The following TPGS2 variants were observed in gnomAD, a reference collection of about 807,000 sequenced individuals.
TPGS2 encodes polyglutamylase subunit 2.
A neutral mutation model predicts 31.1 loss-of-function variants in TPGS2; 26 were observed. The ratio of observed to expected loss-of-function variants is 0.84; its 90% CI spans 0.61 to 1.16. The LOEUF (loss-of-function observed/expected upper bound fraction) is 1.16, where lower values mean the gene tolerates loss of function less well. Among genes scored for constraint, TPGS2 ranks in the 50% most tolerant of loss-of-function variants. The pLI is 0.00. For synonymous variants in TPGS2, 130 were observed against 136.6 expected (o/e 0.95, Z 0.34); for missense variants, 351 against 363.8 (o/e 0.96, Z 0.29).
downstream of TPGS2, chr18:36,781,733 C>T (rs2044021720): frequency 1.0e-6 from 1 of 983,840 alleles, no homozygotes. Context: ...CTTAAAAAGC[C>T]AAAGACTATA....
At chr18:36,790,261 G>GGT (rs1486860777), downstream of TPGS2, 1 of 152,262 alleles carries the variant, frequency 6.6e-6, no homozygotes, top group East Asian at 1.9e-4. Flanking sequence ...CAGTTCTTGT[G>GGT]GTGGTGGTAT....
At position 36,795,124 on chromosome 18, in the gene TPGS2, A is replaced by G. The variant is rs571511583; in HGVS notation, c.*1681T>C. On this transcript the variant is annotated 3_prime_UTR_variant, in exon 7 of 7. Coordinates refer to ENST00000334295, the MANE Select transcript of TPGS2 (RefSeq NM_015476.4). ...CCTTGGTTTTCCTCAGGGGCTATGG[A>G]AAGTGGTAGGTGGAGGAGATATCGA... 1.8e-5 allele frequency: 18 copies of G among 985,434 alleles called. No individual in the cohort carries two copies. The East Asian group carries it at 1.8e-3, about 99-fold the overall frequency. 61.0% of individuals were successfully genotyped at this position (985,434 alleles called of 1,614,324 possible). A position where few individuals can be genotyped will look rare whatever the true frequency, so the allele number is the denominator to read the frequency against.
downstream of TPGS2, among the ~76,000 whole-genome samples, chr18:36,792,990 G>A (rs1183137293): frequency 1.3e-5 from 2 of 152,140 alleles, no homozygotes; most frequent in Admixed American, 1.3e-4. Flanking sequence ...TAAATTTCCT[G>A]GGTGTTTTTT....
intron 2 of TPGS2, among the ~76,000 whole-genome samples, chr18:36,812,591 A>G (rs977472252): frequency 3.9e-5 from 6 of 152,174 alleles, no homozygotes; most frequent in African/African-American, 1.4e-4. Flanking sequence ...ATCCTTTGTA[A>G]TAAACCTGTA....
chr18:36,806,423 T>C (rs2045135559), intron 3 of TPGS2, among the ~76,000 whole-genome samples: 1 of 152,130 alleles, frequency 6.6e-6, no homozygotes, highest in Non-Finnish European at 1.5e-5. Context: ...CCCCTCTCTG[T>C]TGCTCCAGAC....
chr18:36,823,880 T>A lies in TPGS2; in HGVS notation c.85+4803A>T, dbSNP rs1334902469. The A allele has an allele frequency of 6.1e-6, 6 of 984,872 alleles. No homozygotes were observed. In the East Asian group the frequency reaches 6.8e-4, roughly 112 times the overall value. 61.0% of individuals were successfully genotyped at this position (984,872 alleles called of 1,614,324 possible). ...TCATCATCTTCACAGTCCTGTGGAT[T>A]AGAGTAGGAATTCTAATAGTACCGT... On this transcript the variant is annotated intron_variant, in intron 1 of 6. Coordinates refer to ENST00000334295, the MANE Select transcript of TPGS2 (RefSeq NM_015476.4).
intron 2 of TPGS2, among the ~76,000 whole-genome samples, chr18:36,815,509 C>T (rs113447996): frequency 0.016 from 2,494 of 152,230 alleles, 35 homozygotes; most frequent in Non-Finnish European, 0.024. Context: ...GGACAACTTC[C>T]CATTCATGGA....
At chr18:36,827,740 C>T (rs189341346) in intron 1 of TPGS2, among the ~76,000 whole-genome samples, 14 of 152,330 alleles carry the variant, frequency 9.2e-5, no homozygotes, top group African/African-American at 3.4e-4. Context: ...TCCTCTGTGA[C>T]ATGTTCTTTA....
intron 1 of TPGS2, among the ~76,000 whole-genome samples, chr18:36,826,947 T>G (rs896080148): frequency 1.3e-5 from 2 of 152,238 alleles, no homozygotes; most frequent in Non-Finnish European, 2.9e-5. Flanking sequence ...CAAGAAAGGT[T>G]AGATTTTGTC....
chr18:36,797,091 A>G (rs777856845), intron 6 of TPGS2, 41 bp from the exon 7 acceptor site: 3 of 1,595,276 alleles, frequency 1.9e-6, no homozygotes, highest in Non-Finnish European at 2.6e-6. Context: ...AATTCAAAGG[A>G]AAAATGCCAT....
At chr18:36,790,336 A>G (rs1473951605), downstream of TPGS2, among the ~76,000 whole-genome samples, 1 of 152,220 alleles carries the variant, frequency 6.6e-6, no homozygotes, top group African/African-American at 2.4e-5. Flanking sequence ...TCACCTGGGA[A>G]TCCTGTTCAC....
intron 6 of TPGS2, chr18:36,789,024 C>T (rs1600720650): frequency 6.6e-6 from 1 of 152,314 alleles, no homozygotes; most frequent in East Asian, 1.9e-4. Context: ...TGTGCAGAGA[C>T]CTAGAGAGGC....
chr18:36,808,470 C>A (rs2045269915), intron 2 of TPGS2, among the ~76,000 whole-genome samples: 1 of 152,006 alleles, frequency 6.6e-6, no homozygotes, highest in Non-Finnish European at 1.5e-5. Flanking sequence ...AACCCCATCT[C>A]TACTAAAAAT....
In TPGS2 at chr18:36,794,941, T is replaced by G; in HGVS notation, c.*1864A>C. ...GTTTTGGGATTGAAAAGGTAAGAGG[T>G]CTCGCTATTTTAAAGCAAATGAAGA... On this transcript the variant is annotated 3_prime_UTR_variant, in exon 7 of 7. Coordinates refer to ENST00000334295, the MANE Select transcript of TPGS2 (RefSeq NM_015476.4). 1 of 984,602 alleles carries G rather than the reference T, an allele frequency of 1.0e-6. No homozygotes were observed. Among genetic ancestry groups the G allele is most frequent in the Non-Finnish European group, 1.2e-6 (1 of 829,878 alleles). The allele number at this position is 984,602 out of a possible 1,614,324, so 61.0% of individuals were successfully genotyped here.
At chr18:36,814,656 G>A (rs1007660818) in intron 2 of TPGS2, among the ~76,000 whole-genome samples, 2 of 152,166 alleles carry the variant, frequency 1.3e-5, no homozygotes, top group African/African-American at 4.8e-5. Context: ...TTCTACTCCA[G>A]TGTGTTTTTC....
chr18:36,828,562 C>G, intron 1 of TPGS2, 121 bp downstream of exon 1: 1 of 1,080,710 alleles, frequency 9.3e-7, no homozygotes, highest in Non-Finnish European at 1.4e-6. Context: ...AACGGAAGTC[C>G]CAGCAGCGAT....
downstream of TPGS2, among the ~76,000 whole-genome samples, chr18:36,791,055 G>A (rs1173595840): frequency 6.6e-6 from 1 of 152,090 alleles, no homozygotes; most frequent in Non-Finnish European, 1.5e-5. Flanking sequence ...CCATTCTTGT[G>A]ATAGTGAGTT....
At chr18:36,806,900 G>GCAA (rs1161818330) in intron 3 of TPGS2, among the ~76,000 whole-genome samples, 1 of 144,032 alleles carries the variant, frequency 6.9e-6, no homozygotes, top group African/African-American at 2.7e-5. Flanking sequence ...GACCAGCAGT[G>GCAA]CAAGATAGAC....
At chr18:36,792,739 G>A (rs190054202), downstream of TPGS2, among the ~76,000 whole-genome samples, 10 of 152,270 alleles carry the variant, frequency 6.6e-5, no homozygotes, top group Admixed American at 6.5e-4. Flanking sequence ...CAGCTTTAAG[G>A]GCTAGATTCT....
Sources: allele counts gnomAD v4.1 joint callset (sites outside exome capture counted in the v4.1 genomes callset), GRCh38; gene constraint gnomAD v4.1.1; transcripts MANE v1.5; gene names NCBI Gene and HGNC (gene_info 2026-07-23, HGNC 2026-07-21).